The following EPS8 variants were observed in gnomAD, a reference collection of about 807,000 sequenced individuals.
EPS8 encodes the protein epidermal growth factor receptor kinase substrate 8.
Under a neutral mutation model 103.8 loss-of-function variants are expected in EPS8, and 42 were observed. The ratio of observed to expected loss-of-function variants is 0.40; its 90% confidence interval spans 0.32 to 0.52. EPS8 has a LOEUF of 0.52. Among genes scored for constraint, EPS8 ranks in the 20% least tolerant of loss-of-function variants. The probability of loss-of-function intolerance (pLI) is 0.40; values close to 1 mark genes in which losing one functional copy is unlikely to be tolerated. For missense variants in EPS8, 969 were observed against 1,005.1 expected (o/e 0.96, Z 0.49); for synonymous variants, 344 against 344.6 (o/e 1.00, Z 0.02).
intron 18 of EPS8, among the ~76,000 whole-genome samples, chr12:15,628,039 C>T (rs1419230455): frequency 1.4e-5 from 2 of 142,756 alleles, no homozygotes; most frequent in Non-Finnish European, 3.0e-5. Flanking sequence ...TTTTTTAATG[C>T]CTCAAGTATC....
In EPS8 at chr12:15,744,196, A is replaced by G. The variant is rs577279272; in HGVS notation, c.-22+44965T>C. Reference sequence around the variant, plus strand: ...TCACTGGCCATCAGAGAGATCAGCAACATTAAGTCTTAACGACTAAGGAAA... The same window carrying G: ...TCACTGGCCATCAGAGAGATCAGCAGCATTAAGTCTTAACGACTAAGGAAA... On this transcript the variant is annotated intron_variant, in intron 1 of 20. Coordinates refer to ENST00000281172, the MANE Select transcript of EPS8 (RefSeq NM_004447.6). Among the ~76,000 whole-genome samples, 2 of 152,286 alleles carry G rather than the reference A, an allele frequency of 1.3e-5. 1 individual carries two copies. The highest frequency in any genetic ancestry group is 4.8e-5 in the African/African-American group (2 of 41,590).
chr12:15,687,326 T>G (rs920965738), intron 1 of EPS8, among the ~76,000 whole-genome samples: 2 of 152,138 alleles, frequency 1.3e-5, no homozygotes, highest in Non-Finnish European at 2.9e-5. Flanking sequence ...GGATATTAAG[T>G]TCTTGTAACA....
In EPS8 at chr12:15,721,991, G is replaced by T. The variant is rs1438393163; in HGVS notation, c.-21-39019C>A. On this transcript the variant is annotated intron_variant, in intron 1 of 20. Transcript: ENST00000281172. This position sits in a 1 kb window ranked among gnomAD's most constrained non-coding sequence, Gnocchi z 4.4. ...ATACATACTTTTTTTTTTCAAAGGG[G>T]GCTACTGTCTGTCTGGTTTTATAAT... Among the ~76,000 whole-genome samples, 4 of 149,140 alleles carry T rather than the reference G, an allele frequency of 2.7e-5. No individual in the cohort carries two copies. Among genetic ancestry groups the T allele is most frequent in the African/African-American group, 9.9e-5 (4 of 40,508 alleles).
Position 15,713,999 on chromosome 12 carries a change from T to C in EPS8, c.-21-31027A>G, listed in dbSNP as rs1946500211. On this transcript the variant is annotated intron_variant, in intron 1 of 20. Coordinates refer to ENST00000281172, the MANE Select transcript of EPS8 (RefSeq NM_004447.6). The surrounding 1 kb of genome is among the most constrained non-coding windows in gnomAD (Gnocchi z 4.8). ...CTGGGCCAGTGAAATCTGTAAAGTA[T>C]CTAGAAGAAACAAACACAAAACTAT... 6.6e-6 allele frequency among the ~76,000 whole-genome samples: 1 copy of C among 152,092 alleles called. No homozygotes were observed. Among genetic ancestry groups the C allele is most frequent in the African/African-American group, 2.4e-5 (1 of 41,414 alleles).
At chr12:15,676,930 G>A (rs1407091444) in intron 3 of EPS8, among the ~76,000 whole-genome samples, 1 of 151,970 alleles carries the variant, frequency 6.6e-6, no homozygotes, top group Non-Finnish European at 1.5e-5. Context: ...CCTCAAATAA[G>A]CAAATTTATT....
At chr12:15,687,947 A>G (rs1305624521) in intron 1 of EPS8, among the ~76,000 whole-genome samples, 2 of 152,202 alleles carry the variant, frequency 1.3e-5, no homozygotes, top group African/African-American at 2.4e-5. Context: ...AATGCATTCT[A>G]TTGTCTTAAT....
chr12:15,658,376 A>T, intron 11 of EPS8, 121 bp downstream of exon 11: 1 of 768,122 alleles, frequency 1.3e-6, no homozygotes, highest in South Asian at 1.9e-5. Context: ...ATCAAAACAT[A>T]CACACCCCCA....
chr12:15,641,692 A>G (rs767367987), intron 16 of EPS8, 30 bp downstream of exon 16: 19 of 1,082,016 alleles, frequency 1.8e-5, no homozygotes, highest in Middle Eastern at 2.8e-4. Flanking sequence ...CTACTTTATT[A>G]AGAGTATAAA....
intron 8 of EPS8, among the ~76,000 whole-genome samples, chr12:15,663,978 C>CACAT (rs1452475345): frequency 8.0e-6 from 1 of 124,236 alleles, no homozygotes; most frequent in East Asian, 2.3e-4. Context: ...TATATATATA[C>CACAT]ACACACACAT....
In EPS8 at chr12:15,690,159, T is replaced by C. The variant is rs547839803; in HGVS notation, c.-21-7187A>G. 2.0e-5 allele frequency among the ~76,000 whole-genome samples: 3 copies of C among 152,338 alleles called. No homozygotes were observed. Among genetic ancestry groups the C allele is most frequent in the South Asian group, 2.1e-4 (1 of 4,826 alleles). ...GCAGGTGACTCACTGCATTTCCGTA[T>C]AGCTCCTTAAGAGGATCAATCTTTT... On this transcript the variant is annotated intron_variant, in intron 1 of 20. Transcript: ENST00000281172. The surrounding 1 kb of genome is among the most constrained non-coding windows in gnomAD (Gnocchi z 4.7).
At chr12:15,770,296 AAAAAAAAAG>A (rs1182122555) in intron 1 of EPS8, among the ~76,000 whole-genome samples, 1 of 151,460 alleles carries the variant, frequency 6.6e-6, no homozygotes, top group Non-Finnish European at 1.5e-5. Context: ...CTCAAAAAAA[AAAAAAAAAG>A]AAGAAGAAGG....
rs765645845 is a variant in EPS8 at position 15,631,512 on chromosome 12, G to C, written c.1974C>G (p.Asn658Lys). 2.5e-6 allele frequency: 4 copies of C among 1,613,918 alleles called. No individual in the cohort carries two copies. The highest frequency in any genetic ancestry group is 1.7e-5 in the Admixed American group (1 of 60,000). The change falls in exon 18 of 21, where the codon AAC becomes AAG. Residue 658 changes from asparagine (N) to lysine (K), a missense_variant. Coordinates refer to ENST00000281172, the MANE Select transcript of EPS8 (RefSeq NM_004447.6). The stretch of plus-strand genomic sequence containing the variant: ...TGCCACCACTGTCACTGGAGCTGCT[G>C]TTTTGACGTGTTATATTTGCTGGGA... The part of the protein sequence containing the change: ...SKVPANITRQ[N>K]SSSSDSGGSI...
intron 12 of EPS8, among the ~76,000 whole-genome samples, chr12:15,655,641 A>T (rs567006782): frequency 6.6e-6 from 1 of 152,388 alleles, no homozygotes; most frequent in Admixed American, 6.5e-5. Context: ...AGGGAAAAGT[A>T]AAACTAAAGA....
At chr12:15,643,266 T>C (rs1293862105) in intron 15 of EPS8, among the ~76,000 whole-genome samples, 1 of 152,054 alleles carries the variant, frequency 6.6e-6, no homozygotes, top group African/African-American at 2.4e-5. Context: ...TAATGGAGAG[T>C]TAAGGGTCTA....
chr12:15,675,548 G>A (rs1945888278), intron 3 of EPS8, among the ~76,000 whole-genome samples: 1 of 152,204 alleles, frequency 6.6e-6, no homozygotes, highest in South Asian at 2.1e-4. Context: ...GCAGTCAGCT[G>A]AGACTGTGCC....
chr12:15,696,899 A>G lies in EPS8; in HGVS notation c.-21-13927T>C, dbSNP rs935063806. On this transcript the variant is annotated intron_variant, in intron 1 of 20. Coordinates refer to ENST00000281172, the MANE Select transcript of EPS8 (RefSeq NM_004447.6). This position sits in a 1 kb window ranked among gnomAD's most constrained non-coding sequence, Gnocchi z 4.8. ...GTGTTTGGATTAGCAGGGAAGGGAG[A>G]GTGACCAAAGAACCTTCATGTTCCC... Among the ~76,000 whole-genome samples, 1 of 152,184 alleles carries G rather than the reference A, an allele frequency of 6.6e-6. No individual in the cohort carries two copies. The highest frequency in any genetic ancestry group is 2.4e-5 in the African/African-American group (1 of 41,452).
chr12:15,668,326 G>A (rs1945753265), intron 6 of EPS8, among the ~76,000 whole-genome samples: 1 of 152,110 alleles, frequency 6.6e-6, no homozygotes, highest in Non-Finnish European at 1.5e-5. Flanking sequence ...ATCTTTAAAT[G>A]TCAAAAAACA....
intron 18 of EPS8, among the ~76,000 whole-genome samples, chr12:15,629,449 A>G (rs1445025991): frequency 1.3e-5 from 2 of 152,268 alleles, no homozygotes; most frequent in Admixed American, 6.5e-5. Flanking sequence ...CATTTCTAAG[A>G]GGAAGTTTTC....
intron 3 of EPS8, among the ~76,000 whole-genome samples, chr12:15,676,011 G>A (rs1430158538): frequency 6.6e-6 from 1 of 152,040 alleles, no homozygotes; most frequent in Admixed American, 6.6e-5. Flanking sequence ...GGTGGCTCAC[G>A]CCTGTAATCC....
Sources: allele counts gnomAD v4.1 joint callset (sites outside exome capture counted in the v4.1 genomes callset), GRCh38; gene constraint gnomAD v4.1.1; non-coding constraint Gnocchi (gnomAD v3.1); transcripts MANE v1.5; gene names NCBI Gene and HGNC (gene_info 2026-07-23, HGNC 2026-07-21).